CABLES1: variants seen among roughly 807,000 people sequenced by gnomAD.
CABLES1 encodes CDK5 and ABL1 enzyme substrate 1.
CABLES1 carries 36 observed loss-of-function variants against 57.8 expected under a neutral mutation model. The observed-to-expected ratio is 0.62, with a 90% CI of 0.48 to 0.82. The LOEUF (loss-of-function observed/expected upper bound fraction) is 0.82. Ranked by LOEUF, CABLES1 falls within the 40% of genes least tolerant of loss-of-function variation. CABLES1 has a pLI of 0.00. For missense variants in CABLES1, 767 were observed against 836.6 expected, an observed-to-expected ratio of 0.92 and a Z score of 1.03; for synonymous variants, 374 against 363.0, an observed-to-expected ratio of 1.03 and a Z score of -0.35.
chr18:23,252,334 A>G (rs73402694), intron 7 of CABLES1, among the ~76,000 whole-genome samples: 7,239 of 152,256 alleles, frequency 0.048, 315 homozygotes, highest in African/African-American at 0.12. Context: ...ATGCCACTGA[A>G]TGGTACGCCT....
intron 4 of CABLES1, among the ~76,000 whole-genome samples, chr18:23,223,148 G>A: frequency 6.6e-6 from 1 of 152,174 alleles, no homozygotes. Flanking sequence ...CTGGCTTTTG[G>A]CTGACAGGTT....
chr18:23,138,564 C>G (rs796492727), intron 1 of CABLES1, among the ~76,000 whole-genome samples: 15 of 152,324 alleles, frequency 9.8e-5, no homozygotes, highest in African/African-American at 3.6e-4. Flanking sequence ...GCTAGCTTAG[C>G]TGTGGAGAGG....
chr18:23,258,235 A>AGAT lies in CABLES1; in HGVS notation c.*870_*872dup, dbSNP rs1348434336. The AGAT allele has an allele frequency of 6.6e-6, 1 of 152,592 alleles. No homozygotes were observed. The highest frequency in any genetic ancestry group is 1.5e-5 in the Non-Finnish European group (1 of 68,038). 9.5% of individuals were successfully genotyped at this position (152,592 alleles called of 1,614,324 possible). A position where few individuals can be genotyped will look rare whatever the true frequency, so the allele number is the denominator to read the frequency against. On this transcript the variant is annotated 3_prime_UTR_variant, in exon 10 of 10. Transcript: ENST00000256925. ...AACCCTCGCACTTTCTCCACTGTGG[A>AGAT]GATGGCTGGGGCGGCGCCCCACAGT... is the stretch of plus-strand genomic sequence containing the variant.
intron 4 of CABLES1, among the ~76,000 whole-genome samples, chr18:23,218,071 C>T (rs1345381371): frequency 9.9e-5 from 15 of 152,222 alleles, no homozygotes; most frequent in African/African-American, 1.7e-4. Flanking sequence ...GCCACCCCAC[C>T]GATTAAGGGG....
chr18:23,214,766 A>G (rs1465645064), intron 4 of CABLES1: 1 of 152,244 alleles, frequency 6.6e-6, no homozygotes, highest in African/African-American at 2.4e-5. Context: ...GTCAAGCATC[A>G]TGGGATGTTG....
At chr18:23,242,670 C>A (rs1019694841) in intron 7 of CABLES1, among the ~76,000 whole-genome samples, 3 of 152,012 alleles carry the variant, frequency 2.0e-5, no homozygotes, top group African/African-American at 7.2e-5. Flanking sequence ...TGTAAGAAAT[C>A]CCTCTTGCAC....
intron 4 of CABLES1, among the ~76,000 whole-genome samples, chr18:23,219,755 C>T (rs1323497725): frequency 6.6e-6 from 1 of 152,200 alleles, no homozygotes; most frequent in Non-Finnish European, 1.5e-5. Flanking sequence ...AAAGGTTGTT[C>T]TCATTCTTGT....
intron 1 of CABLES1, among the ~76,000 whole-genome samples, chr18:23,145,829 T>C (rs1321151198): frequency 6.6e-6 from 1 of 152,244 alleles, no homozygotes; most frequent in Non-Finnish European, 1.5e-5. Flanking sequence ...TTAATGAGGT[T>C]ATCATTCATT....
chr18:23,136,114 GGCT>G lies in CABLES1; in HGVS notation c.355_357del (p.Cys119del), dbSNP rs1291652338. 2.5e-6 allele frequency: 3 copies of G among 1,191,018 alleles called. No homozygotes were observed. The African/African-American group carries it at 4.8e-5, about 19-fold the overall frequency. 73.8% of individuals were successfully genotyped at this position (1,191,018 alleles called of 1,614,324 possible). ...CTTGCTCGCCGCTGCCGAGCGGGGC[GGCT>G]GCATCGCGCTCGCCGCGCCGGGCAC... On this transcript the variant is annotated inframe_deletion, in exon 1 of 10. Transcript: ENST00000256925.
At chr18:23,169,354 T>A (rs2144987662) in intron 1 of CABLES1, among the ~76,000 whole-genome samples, 1 of 152,320 alleles carries the variant, frequency 6.6e-6, no homozygotes, top group South Asian at 2.1e-4. Context: ...CCCGAATTCT[T>A]TCTTGCACGA....
At chr18:23,203,961 G>A (rs1463258855) in intron 3 of CABLES1, among the ~76,000 whole-genome samples, 3 of 152,056 alleles carry the variant, frequency 2.0e-5, no homozygotes, top group Admixed American at 2.0e-4. Flanking sequence ...TGTCATCATC[G>A]GTGTTTATGA....
intron 1 of CABLES1, among the ~76,000 whole-genome samples, chr18:23,139,455 A>G (rs1349779856): frequency 6.6e-6 from 1 of 151,578 alleles, no homozygotes; most frequent in Non-Finnish European, 1.5e-5. Context: ...CAATCTTGAA[A>G]CCCTTTCTTC....
chr18:23,200,309 C>G (rs954506708), intron 3 of CABLES1, among the ~76,000 whole-genome samples: 50 of 151,752 alleles, frequency 3.3e-4, no homozygotes, highest in African/African-American at 1.0e-3. Context: ...TCCCAGGCTG[C>G]AGTGCAGTGG....
rs1598791457 is a variant in CABLES1 at position 23,136,056 on chromosome 18, C to A, written c.294C>A (p.Ala98=). Reference sequence around the variant, plus strand: ...AGGGCGGCGCGGCCAAGCCGGGCGCCGGCGGCGCCTGCGGCGCGAGGACTC... The same window carrying A: ...AGGGCGGCGCGGCCAAGCCGGGCGCAGGCGGCGCCTGCGGCGCGAGGACTC... ...GEEGGAAKPG[A]GGACGARTRF... Residue 98 remains alanine (A), a synonymous_variant, in exon 1 of 10, where the codon GCC becomes GCA. Transcript: ENST00000256925. The A allele has an allele frequency of 1.4e-6, 1 of 702,080 alleles. No homozygotes were observed. The highest frequency in any genetic ancestry group is 1.7e-6 in the Non-Finnish European group (1 of 584,304). 43.5% of individuals were successfully genotyped at this position (702,080 alleles called of 1,614,324 possible). A position where few individuals can be genotyped will look rare whatever the true frequency, so the allele number is the denominator to read the frequency against.
At chr18:23,176,865 G>A (rs1242538350) in intron 1 of CABLES1, among the ~76,000 whole-genome samples, 4 of 152,104 alleles carry the variant, frequency 2.6e-5, no homozygotes, top group Admixed American at 2.0e-4. Context: ...ACACCAAGGG[G>A]GAGACTCCAG....
At chr18:23,189,664 G>A (rs1301854986) in intron 2 of CABLES1, among the ~76,000 whole-genome samples, 1 of 152,226 alleles carries the variant, frequency 6.6e-6, no homozygotes, top group Non-Finnish European at 1.5e-5. Flanking sequence ...TCGGGAGGAG[G>A]TGAGCTCCTG....
rs1267744392 is a variant in CABLES1, at chr18:23,259,473, G to GC, written c.*2109dup. 6.6e-6 allele frequency: 1 copy of GC among 152,164 alleles called. No homozygotes were observed. Among genetic ancestry groups the GC allele is most frequent in the African/African-American group, 2.4e-5 (1 of 41,410 alleles). The allele number at this position is 152,164 out of a possible 1,614,324, so 9.4% of individuals were successfully genotyped here. On this transcript the variant is annotated 3_prime_UTR_variant, in exon 10 of 10. Transcript: ENST00000256925. ...TTGGTTTTTAGCATTTATGAGGTGAGCCCATGAAGTTAGTGGTCCATTACT... is the reference window on the plus strand; with the variant it reads ...TTGGTTTTTAGCATTTATGAGGTGAGCCCCATGAAGTTAGTGGTCCATTACT...
intron 4 of CABLES1, among the ~76,000 whole-genome samples, chr18:23,221,650 C>T (rs930726852): frequency 6.6e-6 from 1 of 152,204 alleles, no homozygotes; most frequent in African/African-American, 2.4e-5. Flanking sequence ...TCTGGGGCCC[C>T]CACCTTAGGC....
chr18:23,256,772 A>G (rs535442514), intron 9 of CABLES1, among the ~76,000 whole-genome samples: 24 of 152,212 alleles, frequency 1.6e-4, no homozygotes, highest in Non-Finnish European at 2.9e-4. Flanking sequence ...GGCGTGAGCC[A>G]CCACCGGTTT....
Sources: gnomAD v4.1 joint callset for allele counts (sites outside exome capture counted in the v4.1 genomes callset) on GRCh38, gnomAD v4.1.1 for gene constraint, MANE v1.5 for transcripts, NCBI Gene and HGNC (gene_info 2026-07-23, HGNC 2026-07-21) for gene names.